Variants in IL1R2 observed in about 807,000 individuals in gnomAD.
IL1R2 encodes the protein interleukin 1 receptor type 2, also known as interleukin-1 receptor type 2.
IL1R2 carries 46 observed loss-of-function variants against 39.5 expected under a neutral mutation model. The observed-to-expected ratio is 1.16, with a 90% confidence interval of 0.92 to 1.49. IL1R2 has a LOEUF of 1.49. Among genes scored for constraint, IL1R2 ranks in the 40% most tolerant of loss-of-function variants. The pLI, the probability that IL1R2 is intolerant of heterozygous loss-of-function variation, is 0.00. For synonymous variants in IL1R2, 207 were observed against 189.6 expected (o/e 1.09, Z -0.75); for missense variants, 537 against 502.0 (o/e 1.07, Z -0.67).
At chr2:101,994,170 TC>T (rs1675474355) in intron 1 of IL1R2, among the ~76,000 whole-genome samples, 1 of 152,156 alleles carries the variant, frequency 6.6e-6, no homozygotes, top group South Asian at 2.1e-4. Context: ...AGGGCAGCTA[TC>T]CTCTCTCCCG....
At chr2:102,019,554 A>G (rs1677224510) in intron 4 of IL1R2, 84 bp from the exon 5 acceptor site, 1 of 978,288 alleles carries the variant, frequency 1.0e-6, no homozygotes, top group Admixed American at 2.8e-5. Flanking sequence ...CAAATCCCAC[A>G]TTGGTTGATA....
chr2:102,027,865 T>A (rs1447980427), intron 8 of IL1R2, among the ~76,000 whole-genome samples: 1 of 152,146 alleles, frequency 6.6e-6, no homozygotes, highest in African/African-American at 2.4e-5. Context: ...CCCATGCTCA[T>A]TAGAAAAGGG....
intron 5 of IL1R2, among the ~76,000 whole-genome samples, chr2:102,020,472 T>C (rs1677307598): frequency 6.6e-6 from 1 of 152,068 alleles, no homozygotes; most frequent in Non-Finnish European, 1.5e-5. Context: ...CCTTGGAGAG[T>C]GGGCCACACT....
At chr2:102,001,776 T>A (rs1675873297) in intron 1 of IL1R2, among the ~76,000 whole-genome samples, 1 of 152,182 alleles carries the variant, frequency 6.6e-6, no homozygotes, top group African/African-American at 2.4e-5. Context: ...TTATAAAAAA[T>A]TTCCAGGTTA....
intron 4 of IL1R2, among the ~76,000 whole-genome samples, chr2:102,017,560 G>A (rs375565251): frequency 7.2e-5 from 11 of 152,248 alleles, no homozygotes; most frequent in African/African-American, 2.6e-4. Flanking sequence ...ATGTAGACCG[G>A]GGTTGGAAAA....
At chr2:102,023,997 C>T (rs564576917) in intron 6 of IL1R2, among the ~76,000 whole-genome samples, 4 of 149,804 alleles carry the variant, frequency 2.7e-5, no homozygotes, top group South Asian at 4.2e-4. Flanking sequence ...TGCAGTGAGC[C>T]GAGATCGCCC....
At chr2:102,011,295 A>G (rs1676615175) in intron 3 of IL1R2, among the ~76,000 whole-genome samples, 1 of 152,204 alleles carries the variant, frequency 6.6e-6, no homozygotes, top group Non-Finnish European at 1.5e-5. Flanking sequence ...TCTATATTTA[A>G]TTTTGAGGAA....
chr2:102,001,014 A>T (rs1675830097), intron 1 of IL1R2, among the ~76,000 whole-genome samples: 1 of 152,184 alleles, frequency 6.6e-6, no homozygotes, highest in African/African-American at 2.4e-5. Flanking sequence ...GAGGATGGTA[A>T]CTGTTCCAGG....
chr2:102,005,138 T>C (rs370278811), intron 1 of IL1R2, among the ~76,000 whole-genome samples: 14 of 152,340 alleles, frequency 9.2e-5, no homozygotes, highest in South Asian at 6.2e-4. Flanking sequence ...TGATCCTGAA[T>C]GGCACAGCCT....
intron 1 of IL1R2, among the ~76,000 whole-genome samples, chr2:101,998,677 G>T (rs1235067703): frequency 6.6e-6 from 1 of 152,174 alleles, no homozygotes; most frequent in African/African-American, 2.4e-5. Context: ...GCCTTTGCAG[G>T]GTTCCTGGGA....
chr2:102,003,655 G>T (rs893367289), intron 1 of IL1R2, among the ~76,000 whole-genome samples: 7 of 123,998 alleles, frequency 5.6e-5, no homozygotes, highest in Non-Finnish European at 9.9e-5. Flanking sequence ...TCTGGCTGTG[G>T]CTGTGGCTGT....
chr2:102,013,239 G>T (rs376109518), intron 3 of IL1R2, among the ~76,000 whole-genome samples: 14 of 152,264 alleles, frequency 9.2e-5, no homozygotes, highest in South Asian at 6.2e-4. Flanking sequence ...TGCATGATGG[G>T]AAGGTTTACC....
intron 1 of IL1R2, among the ~76,000 whole-genome samples, chr2:101,993,173 T>C (rs1168602256): frequency 3.9e-5 from 6 of 152,144 alleles, no homozygotes; most frequent in Admixed American, 3.9e-4. Flanking sequence ...AAAGTCACTG[T>C]GGATTCTCTA....
chr2:102,018,020 C>A (rs571317953), intron 4 of IL1R2, among the ~76,000 whole-genome samples: 4 of 152,200 alleles, frequency 2.6e-5, no homozygotes, highest in Non-Finnish European at 5.9e-5. Context: ...ATATTAGAAA[C>A]TTTGAAATGA....
At chr2:102,003,377 T>C (rs1383108684) in intron 1 of IL1R2, among the ~76,000 whole-genome samples, 3 of 145,134 alleles carry the variant, frequency 2.1e-5, no homozygotes, top group Non-Finnish European at 3.0e-5. Context: ...TCTGTGTCAG[T>C]GTCTAGGCCT....
intron 8 of IL1R2, among the ~76,000 whole-genome samples, chr2:102,026,899 C>T (rs965265059): frequency 6.6e-6 from 1 of 152,162 alleles, no homozygotes; most frequent in Non-Finnish European, 1.5e-5. Context: ...CAAAGTGATT[C>T]CCAGCATCTC....
intron 6 of IL1R2, among the ~76,000 whole-genome samples, chr2:102,024,120 T>C (rs766085313): frequency 6.6e-6 from 1 of 152,092 alleles, no homozygotes; most frequent in Non-Finnish European, 1.5e-5. Flanking sequence ...CAGAGTCATC[T>C]GGGAATGGAG....
At chr2:102,008,180 A>C (rs1316605580) in intron 1 of IL1R2, among the ~76,000 whole-genome samples, 7 of 152,222 alleles carry the variant, frequency 4.6e-5, no homozygotes, top group Admixed American at 3.3e-4. Flanking sequence ...TCCGAGCAGA[A>C]AGGGCACTGG....
At chr2:102,026,408 A>G (rs545439323) in intron 8 of IL1R2, among the ~76,000 whole-genome samples, 155 bp downstream of exon 8, 1 of 152,306 alleles carries the variant, frequency 6.6e-6, no homozygotes, top group African/African-American at 2.4e-5. Flanking sequence ...CCATTTTTAA[A>G]GAGTTTTGGT....
Sources: gnomAD v4.1 joint callset for allele counts (sites outside exome capture counted in the v4.1 genomes callset) on GRCh38, gnomAD v4.1.1 for gene constraint, MANE v1.5 for transcripts, NCBI Gene and HGNC (gene_info 2026-07-23, HGNC 2026-07-21) for gene names.